SYT12: variants seen among roughly 807,000 people sequenced by gnomAD.
SYT12 encodes the protein synaptotagmin 12.
In SYT12, 27 loss-of-function variants were observed where a neutral mutation model predicts 39.5. The ratio of observed to expected loss-of-function variants is 0.68; its 90% CI spans 0.50 to 0.94. The LOEUF is 0.94. SYT12 is among the 40% of genes least tolerant of loss of function. SYT12 has a pLI of 0.00. For missense variants in SYT12, 536 were observed against 572.6 expected, an observed-to-expected ratio of 0.94 and a Z score of 0.65; for synonymous variants, 233 against 239.7, an observed-to-expected ratio of 0.97 and a Z score of 0.26.
chr11:67,034,729 G>A lies in SYT12; in HGVS notation c.119G>A (p.Trp40Ter). The A allele has an allele frequency of 6.2e-7, 1 of 1,603,582 alleles. No homozygotes were observed. Among genetic ancestry groups the A allele is most frequent in the Non-Finnish European group, 8.5e-7 (1 of 1,176,096 alleles). Residue 40 changes from tryptophan (W) to a stop codon, truncating the protein, a stop_gained, in exon 3 of 8, where the codon TGG (tryptophan) becomes TAG (stop). Transcript: ENST00000527043. LOFTEE classifies it high-confidence loss of function. Reference sequence around the variant, plus strand: ...CTGGGAATCGCAGCTGTGAGCCTGTGGAAGCTCTGGACGTCGGGGAGCTTC... The same window carrying A: ...CTGGGAATCGCAGCTGTGAGCCTGTAGAAGCTCTGGACGTCGGGGAGCTTC... ...ALLGIAAVSL[W>*]KLWTSGSFPS...
At position 67,041,943 on chromosome 11, in the gene SYT12, G is replaced by A. The variant is rs183832042; in HGVS notation, c.622-1695G>A. Among the ~76,000 whole-genome samples, 921 of 152,284 alleles carry A rather than the reference G, an allele frequency of 6.0e-3. 1 individual carries two copies. Among genetic ancestry groups the A allele is most frequent in the Middle Eastern group, 0.034 (10 of 294 alleles). ...TCCCTTAGGCTACCCTCCACACATC[G>A]CTGTAACTCACAGAACCAAGCCAAC... On this transcript the variant is annotated intron_variant, in intron 4 of 7. Transcript: ENST00000527043.
chr11:67,010,482 CG>C (rs1180605049), intron 2 of SYT12, among the ~76,000 whole-genome samples: 3 of 152,224 alleles, frequency 2.0e-5, no homozygotes, highest in African/African-American at 4.8e-5. Context: ...CAGTAACCCT[CG>C]GGTCCCCCCA....
chr11:67,012,632 G>A (rs145383279), intron 3 of SYT12, among the ~76,000 whole-genome samples: 3 of 152,252 alleles, frequency 2.0e-5, no homozygotes, highest in East Asian at 3.9e-4. Flanking sequence ...GGGAAACGAG[G>A]CAAAAGAACC....
At position 67,050,815 on chromosome 11, in the gene SYT12, C is replaced by G. The variant is rs1854729727; in HGVS notation, c.*2058C>G. The stretch of plus-strand genomic sequence containing the variant: ...AAGTTGGGGCAGGAAGAGGGGGCTT[C>G]CAGGGAGCCCTGCTCGGCCCTGAAT... On this transcript the variant is annotated 3_prime_UTR_variant, in exon 8 of 8. Coordinates refer to ENST00000527043, the MANE Select transcript of SYT12 (RefSeq NM_177963.4). 1 of 152,242 alleles carries G rather than the reference C, an allele frequency of 6.6e-6. No individual in the cohort carries two copies. Among genetic ancestry groups the G allele is most frequent in the East Asian group, 1.9e-4 (1 of 5,198 alleles). 9.4% of individuals were successfully genotyped at this position (152,242 alleles called of 1,614,324 possible). A position where few individuals can be genotyped will look rare whatever the true frequency, so the allele number is the denominator to read the frequency against.
upstream of SYT12, among the ~76,000 whole-genome samples, chr11:67,020,568 CAG>C (rs1190421093): frequency 2.8e-4 from 43 of 152,276 alleles, no homozygotes; most frequent in African/African-American, 1.0e-3. Context: ...AGAATGTGAC[CAG>C]CACCCCAGCA....
chr11:67,019,570 T>C (rs147247694), upstream of SYT12, among the ~76,000 whole-genome samples: 79 of 151,830 alleles, frequency 5.2e-4, no homozygotes, highest in East Asian at 0.015. Context: ...ACTGGGTCCC[T>C]CCTACAACAC....
chr11:67,022,636 T>G (rs1950123270), upstream of SYT12: 1 of 152,262 alleles, frequency 6.6e-6, no homozygotes, highest in Non-Finnish European at 1.5e-5. Context: ...GGTATGGAGT[T>G]TGAAGTCACA....
intron 3 of SYT12, among the ~76,000 whole-genome samples, chr11:67,012,310 G>A (rs1950019520): frequency 6.6e-6 from 1 of 152,080 alleles, no homozygotes; most frequent in Non-Finnish European, 1.5e-5. Context: ...GGCGGAGGTT[G>A]CAGTGAGCTG....
In SYT12 at chr11:67,024,738, C is replaced by T. The variant is rs955008204; in HGVS notation, c.-24+1278C>T. 3.9e-5 allele frequency among the ~76,000 whole-genome samples: 6 copies of T among 152,092 alleles called. No homozygotes were observed. In the South Asian group the frequency reaches 1.0e-3, roughly 26 times the overall value. Reference sequence around the variant, plus strand: ...AGCAGGATGTGGTTATCTCAGAAAGCGGAGGAGGGGTACTTGAAAAGGTTT... The same window carrying T: ...AGCAGGATGTGGTTATCTCAGAAAGTGGAGGAGGGGTACTTGAAAAGGTTT... On this transcript the variant is annotated intron_variant, in intron 1 of 7. Coordinates refer to ENST00000527043, the MANE Select transcript of SYT12 (RefSeq NM_177963.4).
intron 3 of SYT12, among the ~76,000 whole-genome samples, chr11:67,035,458 C>CTTTTTTTTTT (rs1213047598): frequency 5.5e-5 from 5 of 90,240 alleles, no homozygotes; most frequent in Non-Finnish European, 8.8e-5. Flanking sequence ...TTTTTCTTTT[C>CTTTTTTTTTT]TTTTTTTTTT....
chr11:67,010,116 G>A (rs552876367), exon 2 of SYT12: 1 of 152,366 alleles, frequency 6.6e-6, no homozygotes, highest in African/African-American at 2.4e-5. Context: ...AGAAGCTGAA[G>A]TGACAGGTGA....
In SYT12 at chr11:67,017,398, C is replaced by T. The variant is rs554436591; in HGVS notation, c.-68-4471C>T. Among the ~76,000 whole-genome samples, 1,136 of 149,020 alleles carry T rather than the reference C, an allele frequency of 7.6e-3. 10 individuals carry two copies. Among genetic ancestry groups the T allele is most frequent in the South Asian group, 0.018 (85 of 4,694 alleles). The stretch of plus-strand genomic sequence containing the variant: ...TTTTTGAGACGGAGTCTTGCTCTGT[C>T]GCCCAGGCTGGAGTGCAGTAGTGCG... On this transcript the variant is annotated intron_variant, in intron 3 of 10. Transcript: ENST00000393946.
At chr11:67,014,754 G>T (rs1254719226) in intron 3 of SYT12, among the ~76,000 whole-genome samples, 1 of 152,096 alleles carries the variant, frequency 6.6e-6, no homozygotes, top group African/African-American at 2.4e-5. Context: ...GAACCCAGAG[G>T]GGCCTAGGTG....
chr11:67,045,695 T>TCCA (rs1364477657), intron 6 of SYT12, 49 bp from the exon 7 acceptor site: 1 of 1,602,964 alleles, frequency 6.2e-7, no homozygotes, highest in South Asian at 1.1e-5. Flanking sequence ...TGGGCAGGGC[T>TCCA]GTGGTGAGTG....
At chr11:67,045,406 G>A (rs917180876) in intron 6 of SYT12, among the ~76,000 whole-genome samples, 9 of 152,132 alleles carry the variant, frequency 5.9e-5, no homozygotes, top group African/African-American at 1.9e-4. Context: ...TCTGCTGTGC[G>A]GGTGCCCGGT....
At chr11:67,034,984 C>G (rs542330295) in intron 3 of SYT12, 146 bp downstream of exon 3, 2 of 495,464 alleles carry the variant, frequency 4.0e-6, no homozygotes, top group South Asian at 9.8e-5. Flanking sequence ...CCTCCCTCTT[C>G]CCCTTTCACA....
At chr11:67,045,578 C>A in intron 6 of SYT12, 166 bp from the exon 7 acceptor site, 1 of 1,022,464 alleles carries the variant, frequency 9.8e-7, no homozygotes, top group Non-Finnish European at 1.4e-6. Context: ...CCTCAGTTTT[C>A]TCATCTGTGA....
At chr11:67,035,686 T>G (rs1425836528) in intron 3 of SYT12, among the ~76,000 whole-genome samples, 1 of 151,832 alleles carries the variant, frequency 6.6e-6, no homozygotes, top group Admixed American at 6.6e-5. Context: ...CTCGATCTCC[T>G]GACCTCGTGA....
intron 1 of SYT12, among the ~76,000 whole-genome samples, chr11:67,008,941 T>C (rs1949991824): frequency 6.6e-6 from 1 of 152,198 alleles, no homozygotes; most frequent in Non-Finnish European, 1.5e-5. Flanking sequence ...GAGGATTGAA[T>C]GAGCCAATAT....
Sources: gnomAD v4.1 joint callset for allele counts (sites outside exome capture counted in the v4.1 genomes callset) on GRCh38, gnomAD v4.1.1 for gene constraint, MANE v1.5 for transcripts, NCBI Gene and HGNC (gene_info 2026-07-23, HGNC 2026-07-21) for gene names.